The following MPP7 variants were observed in gnomAD, a reference collection of about 807,000 sequenced individuals.
The protein encoded by MPP7 is MAGUK p55 scaffold protein 7.
In MPP7, 60 loss-of-function variants were observed where a neutral mutation model predicts 76.5. The ratio of observed to expected loss-of-function variants is 0.78; its 90% CI spans 0.64 to 0.97. MPP7 has a LOEUF of 0.97. Ranked by LOEUF, MPP7 falls within the 50% of genes least tolerant of loss-of-function variation. The pLI is 0.00. For missense variants in MPP7, 641 were observed against 694.0 expected (o/e 0.92, Z 0.86); for synonymous variants, 237 against 244.5 (o/e 0.97, Z 0.29).
chr10:28,159,633 G>A (rs573336902), intron 3 of MPP7, among the ~76,000 whole-genome samples: 72 of 152,282 alleles, frequency 4.7e-4, no homozygotes, highest in South Asian at 1.5e-3. Context: ...AGTTGGAAGA[G>A]AGAGGAATAT....
intron 11 of MPP7, among the ~76,000 whole-genome samples, chr10:28,112,515 A>C (rs2133571276): frequency 6.6e-6 from 1 of 152,324 alleles, no homozygotes; most frequent in East Asian, 1.9e-4. Flanking sequence ...ATGCTGTATA[A>C]ATTTGCAAAA....
chr10:28,093,693 C>T (rs540551576), intron 11 of MPP7, among the ~76,000 whole-genome samples: 16 of 152,248 alleles, frequency 1.1e-4, no homozygotes, highest in Non-Finnish European at 2.1e-4. Context: ...GAGATCCACC[C>T]GCCTTGGCCT....
At chr10:28,156,822 G>A (rs920588174) in intron 3 of MPP7, among the ~76,000 whole-genome samples, 1 of 152,182 alleles carries the variant, frequency 6.6e-6, no homozygotes, top group Non-Finnish European at 1.5e-5. Flanking sequence ...TAGCTGCCCT[G>A]TTCCCAAAGA....
intron 1 of MPP7, among the ~76,000 whole-genome samples, chr10:28,287,866 G>C (rs992730155): frequency 6.6e-6 from 1 of 152,190 alleles, no homozygotes; most frequent in African/African-American, 2.4e-5. Flanking sequence ...ATGCAACAAA[G>C]TAAGAAAAGT....
chr10:28,126,928 C>A (rs73606074), intron 6 of MPP7, among the ~76,000 whole-genome samples: 2,283 of 152,268 alleles, frequency 0.015, 62 homozygotes, highest in African/African-American at 0.049. Flanking sequence ...CAGCCCCCAA[C>A]CTTCCAGCTC....
At chr10:28,099,661 G>A (rs2133503249) in intron 11 of MPP7, among the ~76,000 whole-genome samples, 1 of 152,220 alleles carries the variant, frequency 6.6e-6, no homozygotes, top group East Asian at 1.9e-4. Flanking sequence ...AAAAAAATCA[G>A]CCGGATGTGG....
intron 2 of MPP7, among the ~76,000 whole-genome samples, chr10:28,204,362 G>A (rs962868917): frequency 6.7e-6 from 1 of 148,182 alleles, no homozygotes; most frequent in African/African-American, 2.5e-5. Context: ...AGAATCACTT[G>A]AACCCCGGAG....
At chr10:28,289,074 C>T (rs193298174) in intron 1 of MPP7, among the ~76,000 whole-genome samples, 16 of 151,846 alleles carry the variant, frequency 1.1e-4, no homozygotes, top group African/African-American at 1.7e-4. Context: ...CCGAGGTGGG[C>T]GGATCATTTG....
At chr10:28,299,473 T>C (rs1469566096) in intron 1 of MPP7, among the ~76,000 whole-genome samples, 4 of 152,052 alleles carry the variant, frequency 2.6e-5, no homozygotes, top group East Asian at 1.9e-4. Flanking sequence ...CCAAAACAAT[T>C]AGAATCGTAA....
intron 13 of MPP7, 35 bp from the exon 14 acceptor site, chr10:28,059,778 A>C: frequency 7.3e-7 from 1 of 1,369,996 alleles, no homozygotes; most frequent in Non-Finnish European, 1.0e-6. Flanking sequence ...AGAAAAGCCC[A>C]CATCAGCCAC....
At chr10:28,267,246 CA>C (rs543057782) in intron 1 of MPP7, among the ~76,000 whole-genome samples, 1 of 151,888 alleles carries the variant, frequency 6.6e-6, no homozygotes, top group African/African-American at 2.4e-5. Flanking sequence ...CTGGCCTTTA[CA>C]AAAAAAATAT....
At chr10:28,237,961 A>C (rs760257121) in intron 2 of MPP7, among the ~76,000 whole-genome samples, 12 of 152,030 alleles carry the variant, frequency 7.9e-5, no homozygotes, top group Non-Finnish European at 1.3e-4. Context: ...TTTTATGTAC[A>C]CATGTGTGTG....
At chr10:28,074,068 C>A (rs1449046645) in intron 12 of MPP7, among the ~76,000 whole-genome samples, 2 of 152,082 alleles carry the variant, frequency 1.3e-5, no homozygotes, top group Non-Finnish European at 2.9e-5. Flanking sequence ...GATAGAGGCA[C>A]CATGAGGGCA....
At chr10:28,272,140 ATAG>A (rs1840345897) in intron 1 of MPP7, among the ~76,000 whole-genome samples, 2 of 152,178 alleles carry the variant, frequency 1.3e-5, no homozygotes, top group Admixed American at 1.3e-4. Flanking sequence ...TCTAGTCCAT[ATAG>A]TTTGACCATG....
intron 12 of MPP7, among the ~76,000 whole-genome samples, chr10:28,077,645 C>G (rs1852558943): frequency 6.6e-6 from 1 of 152,314 alleles, no homozygotes; most frequent in East Asian, 1.9e-4. Context: ...TTTAGGGATG[C>G]AAACTGAGTT....
At chr10:28,172,304 C>A (rs1836709628) in intron 3 of MPP7, among the ~76,000 whole-genome samples, 1 of 152,204 alleles carries the variant, frequency 6.6e-6, no homozygotes, top group Non-Finnish European at 1.5e-5. Flanking sequence ...GAAATAGGTA[C>A]TGTTGGAATG....
intron 3 of MPP7, among the ~76,000 whole-genome samples, chr10:28,182,747 T>C (rs978905216): frequency 3.9e-5 from 6 of 152,320 alleles, no homozygotes; most frequent in African/African-American, 1.4e-4. Flanking sequence ...TATATCACCA[T>C]AAATACAATA....
chr10:28,104,185 C>T (rs1853966399), intron 11 of MPP7, among the ~76,000 whole-genome samples: 1 of 151,886 alleles, frequency 6.6e-6, no homozygotes, highest in South Asian at 2.1e-4. Context: ...AAAGTTAAGA[C>T]ACAACCAGAA....
At chr10:28,171,698 C>A (rs534204421) in intron 3 of MPP7, among the ~76,000 whole-genome samples, 7 of 152,288 alleles carry the variant, frequency 4.6e-5, no homozygotes, top group African/African-American at 1.7e-4. Context: ...ATTGCAGAAT[C>A]CTCAGATAAA....
Sources: allele counts gnomAD v4.1 joint callset (sites outside exome capture counted in the v4.1 genomes callset), GRCh38; gene constraint gnomAD v4.1.1; transcripts MANE v1.5; gene names NCBI Gene and HGNC (gene_info 2026-07-23, HGNC 2026-07-21).